The following KLF17 variants were observed in gnomAD, a reference collection of about 807,000 sequenced individuals.
The protein encoded by KLF17 is KLF transcription factor 17.
A neutral mutation model predicts 34.2 loss-of-function variants in KLF17; 31 were observed. The ratio of observed to expected loss-of-function variants is 0.91; its 90% CI spans 0.68 to 1.22. The LOEUF (loss-of-function observed/expected upper bound fraction) is 1.22. Among genes scored for constraint, KLF17 ranks in the 50% most tolerant of loss-of-function variants. The pLI is 0.00. For synonymous variants in KLF17, 179 were observed against 186.7 expected (o/e 0.96, Z 0.34); for missense variants, 478 against 505.2 (o/e 0.95, Z 0.52).
chr1:44,083,877 G>C, the KLF17 span, among the ~76,000 whole-genome samples: 1 of 151,858 alleles, frequency 6.6e-6, no homozygotes, highest in Admixed American at 6.6e-5. Flanking sequence ...CCTGGTCCAG[G>C]GTGCATGGGT....
the KLF17 span, among the ~76,000 whole-genome samples, chr1:44,070,203 A>G: frequency 5.9e-5 from 9 of 152,138 alleles, no homozygotes; most frequent in African/African-American, 1.7e-4. Context: ...GATTTTTTAA[A>G]TTTGTATGCA....
At chr1:44,118,775 G>A, upstream of KLF17, 1 of 680,356 alleles carries the variant, frequency 1.5e-6, no homozygotes, top group Non-Finnish European at 2.3e-6. Flanking sequence ...GCCTGACCCC[G>A]CCCCTTGGCG....
chr1:44,060,385 T>C, the KLF17 span, among the ~76,000 whole-genome samples: 3 of 152,100 alleles, frequency 2.0e-5, no homozygotes, highest in African/African-American at 7.2e-5. Flanking sequence ...GGTGAATCTC[T>C]TGAACCTGGG....
At chr1:44,056,074 A>G in the KLF17 span, among the ~76,000 whole-genome samples, 1 of 152,192 alleles carries the variant, frequency 6.6e-6, no homozygotes, top group Non-Finnish European at 1.5e-5. Context: ...CTCATGCCGC[A>G]TCTCAGCTTA....
At chr1:44,081,707 C>T in the KLF17 span, among the ~76,000 whole-genome samples, 1 of 151,978 alleles carries the variant, frequency 6.6e-6, no homozygotes, top group African/African-American at 2.4e-5. Context: ...AGGCATGAGC[C>T]ACTGCACTTG....
intron 1 of KLF17, among the ~76,000 whole-genome samples, chr1:44,127,067 T>TTTG (rs1553171575): frequency 8.3e-4 from 124 of 149,742 alleles, no homozygotes; most frequent in African/African-American, 2.8e-3. Flanking sequence ...TGGCTTGTTT[T>TTTG]TTTTTTTTTT....
chr1:44,128,347 C>T (rs2088053296), intron 1 of KLF17, among the ~76,000 whole-genome samples: 1 of 152,180 alleles, frequency 6.6e-6, no homozygotes, highest in Admixed American at 6.5e-5. Flanking sequence ...TGCGCCTGGA[C>T]TACTGACAGC....
the KLF17 span, among the ~76,000 whole-genome samples, chr1:44,055,597 G>A: frequency 0.22 from 33,461 of 152,060 alleles, 4,396 homozygotes; most frequent in Middle Eastern, 0.29. Context: ...ACACAGATAA[G>A]GAGATGCTCT....
chr1:44,069,456 G>A, the KLF17 span, among the ~76,000 whole-genome samples: 1 of 149,164 alleles, frequency 6.7e-6, no homozygotes, highest in African/African-American at 2.5e-5. The surrounding 1 kb of genome is among the most constrained non-coding windows in gnomAD (Gnocchi z 4.7). Context: ...AGGGGAGCCA[G>A]TGTGTTACAT....
chr1:44,118,437 C>A (rs2087903605), upstream of KLF17, among the ~76,000 whole-genome samples: 1 of 152,162 alleles, frequency 6.6e-6, no homozygotes, highest in Non-Finnish European at 1.5e-5. Context: ...ATGGCAAGAT[C>A]CCGACCTGAG....
chr1:44,083,882 A>C, the KLF17 span, among the ~76,000 whole-genome samples: 1 of 151,632 alleles, frequency 6.6e-6, no homozygotes, highest in African/African-American at 2.4e-5. Context: ...TCCAGGGTGC[A>C]TGGGTGGTGA....
At chr1:44,128,865 A>G (rs1299254010) in intron 1 of KLF17, among the ~76,000 whole-genome samples, 1 of 152,118 alleles carries the variant, frequency 6.6e-6, no homozygotes, top group Admixed American at 6.6e-5. Context: ...ATACAAAATT[A>G]GCTGGGCATG....
At chr1:44,103,663 G>A in the KLF17 span, 1 of 1,610,150 alleles carries the variant, frequency 6.2e-7, no homozygotes, top group Middle Eastern at 2.0e-4. Flanking sequence ...TAGTACTCAC[G>A]CAGCTGCCGC....
the KLF17 span, among the ~76,000 whole-genome samples, chr1:44,054,751 G>A: frequency 1.3e-5 from 2 of 148,686 alleles, no homozygotes; most frequent in African/African-American, 2.5e-5. Flanking sequence ...AGAGTGCTGG[G>A]ATTACAAGCG....
At chr1:44,093,326 A>T in the KLF17 span, among the ~76,000 whole-genome samples, 1 of 152,186 alleles carries the variant, frequency 6.6e-6, no homozygotes, top group Non-Finnish European at 1.5e-5. Context: ...TTATGTACCA[A>T]CCTATATACT....
At chr1:44,118,507 T>A (rs2087904493), upstream of KLF17, among the ~76,000 whole-genome samples, 1 of 152,160 alleles carries the variant, frequency 6.6e-6, no homozygotes, top group Non-Finnish European at 1.5e-5. Flanking sequence ...TGCCTCTCTC[T>A]CCAGCCTCGC....
the KLF17 span, among the ~76,000 whole-genome samples, chr1:44,093,654 C>T: frequency 2.0e-5 from 3 of 152,204 alleles, no homozygotes; most frequent in African/African-American, 7.2e-5. Context: ...CTCTGCCTCC[C>T]AAAGTGCTGG....
the KLF17 span, among the ~76,000 whole-genome samples, chr1:44,099,869 GAAAGAAAGAAAGA>G: frequency 3.9e-5 from 2 of 51,420 alleles, no homozygotes; most frequent in African/African-American, 1.2e-4. Context: ...AAGAAAGAAA[GAAAGAAAGAAAGA>G]AAGAAAGAAA....
the KLF17 span, chr1:44,105,206 T>C: frequency 6.6e-6 from 1 of 152,176 alleles, no homozygotes; most frequent in Admixed American, 6.5e-5. Flanking sequence ...AAATTCAAGA[T>C]CATGGTTACC....
Sources: allele counts gnomAD v4.1 joint callset (sites outside exome capture counted in the v4.1 genomes callset), GRCh38; gene constraint gnomAD v4.1.1; non-coding constraint Gnocchi (gnomAD v3.1); transcripts MANE v1.5; gene names NCBI Gene and HGNC (gene_info 2026-07-23, HGNC 2026-07-21).